SAXO1: variants seen among roughly 807,000 people sequenced by gnomAD.
SAXO1 encodes the protein stabilizer of axonemal microtubules 1, also known as 4930500O09Rik.
A neutral mutation model predicts 17.5 loss-of-function variants in SAXO1; 21 were observed. The observed-to-expected ratio is 1.20, with a 90% CI of 0.85 to 1.72. SAXO1 has a LOEUF of 1.72. Ranked by LOEUF, SAXO1 falls within the 40% of genes most tolerant of loss-of-function variation. The pLI is 0.00. For synonymous variants in SAXO1, 274 were observed against 216.5 expected, an observed-to-expected ratio of 1.27 and a Z score of -2.33; for missense variants, 843 against 596.0, an observed-to-expected ratio of 1.41 and a Z score of -4.32.
At chr9:18,990,048 C>G (rs899541695) in intron 1 of SAXO1, among the ~76,000 whole-genome samples, 3 of 152,144 alleles carry the variant, frequency 2.0e-5, no homozygotes, top group Non-Finnish European at 4.4e-5. Flanking sequence ...GGAGAGAGAA[C>G]AGATGTTCCA....
intron 1 of SAXO1, among the ~76,000 whole-genome samples, chr9:18,957,556 C>A (rs1303549688): frequency 6.6e-6 from 1 of 152,164 alleles, no homozygotes; most frequent in Non-Finnish European, 1.5e-5. Context: ...GAGCTTGTGA[C>A]CTGTCACAGC....
rs191135279 is a variant in SAXO1, at chr9:18,960,735, C to T, written c.39-9798G>A. Among the ~76,000 whole-genome samples, 686 of 152,172 alleles carry T rather than the reference C, an allele frequency of 4.5e-3. 4 individuals are homozygous for T. The highest frequency in any genetic ancestry group is 0.015 in the African/African-American group (642 of 41,520). On this transcript the variant is annotated intron_variant, in intron 1 of 3. Transcript: ENST00000380534. Reference sequence around the variant, plus strand: ...GGTTGAGACTGCAGTGAGCTGTGTTCGGCCCCCTGCACTCCAGCCAGGACA... The same window carrying T: ...GGTTGAGACTGCAGTGAGCTGTGTTTGGCCCCCTGCACTCCAGCCAGGACA...
At chr9:18,966,376 C>T (rs7020449) in intron 1 of SAXO1, among the ~76,000 whole-genome samples, 3,665 of 152,218 alleles carry the variant, frequency 0.024, 164 homozygotes, top group African/African-American at 0.084. Context: ...TCAGGTATAC[C>T]AATCAAAAGT....
intron 1 of SAXO1, among the ~76,000 whole-genome samples, chr9:19,022,377 C>G (rs1003509187): frequency 6.6e-6 from 1 of 152,204 alleles, no homozygotes; most frequent in Non-Finnish European, 1.5e-5. Flanking sequence ...ACCAAGAATC[C>G]ACCAGAAGGA....
At chr9:19,037,795 C>T (rs929082517), upstream of SAXO1, among the ~76,000 whole-genome samples, 2 of 152,168 alleles carry the variant, frequency 1.3e-5, no homozygotes, top group East Asian at 3.9e-4. Flanking sequence ...TTACATCAAA[C>T]CTTTCTGGGT....
At chr9:18,954,059 G>A (rs561681674) in intron 1 of SAXO1, among the ~76,000 whole-genome samples, 3 of 152,280 alleles carry the variant, frequency 2.0e-5, no homozygotes, top group African/African-American at 7.2e-5. Context: ...TCGCCACCTT[G>A]CTCAGGTACA....
Position 18,936,668 on chromosome 9 carries a change from T to C in SAXO1, c.421+4969A>G, listed in dbSNP as rs533861355. On this transcript the variant is annotated intron_variant, in intron 3 of 3. Transcript: ENST00000380534. ...AATTTCACATGACAAACTATTCATA[T>C]GCCAGTAAAGCCCTTCAGGGCCAGA... 2.0e-5 allele frequency among the ~76,000 whole-genome samples: 3 copies of C among 152,366 alleles called. No homozygotes were observed. In the South Asian group the frequency reaches 6.2e-4, roughly 32 times the overall value.
At chr9:18,989,330 T>C (rs1294122039) in intron 1 of SAXO1, among the ~76,000 whole-genome samples, 1 of 152,216 alleles carries the variant, frequency 6.6e-6, no homozygotes, top group Non-Finnish European at 1.5e-5. Context: ...AAGCTCAAAC[T>C]GAAGTCCTGT....
rs1338122407 is a variant in SAXO1 at position 18,990,242 on chromosome 9, T to C, written c.39-39305A>G. Among the ~76,000 whole-genome samples the C allele has an allele frequency of 2.0e-5, 3 of 151,942 alleles. No individual in the cohort carries two copies. In the East Asian group the frequency reaches 5.8e-4, roughly 29 times the overall value. Reference sequence around the variant, plus strand: ...CCTATAGCCTATAATGACCGGCATTTAAAAGCAAGAAAATCAAGATATTCA... The same window carrying C: ...CCTATAGCCTATAATGACCGGCATTCAAAAGCAAGAAAATCAAGATATTCA... On this transcript the variant is annotated intron_variant, in intron 1 of 3. Transcript: ENST00000380534.
At chr9:18,941,117 G>T (rs1831535970) in intron 3 of SAXO1, among the ~76,000 whole-genome samples, 1 of 152,070 alleles carries the variant, frequency 6.6e-6, no homozygotes, top group Non-Finnish European at 1.5e-5. Context: ...TTAAACATGT[G>T]AATGAATCAA....
At chr9:18,989,118 A>G (rs1268500389) in intron 1 of SAXO1, among the ~76,000 whole-genome samples, 1 of 152,204 alleles carries the variant, frequency 6.6e-6, no homozygotes. Context: ...CCTATCATCT[A>G]TCATTACTTG....
chr9:18,927,881 A>G lies in SAXO1; in HGVS notation c.*171T>C. ...GTTAATTAGCCGGTGATTAAATGTC[A>G]TTTTCCCTGAGTCAAGTGATTCTCA... On this transcript the variant is annotated 3_prime_UTR_variant, in exon 4 of 4. Coordinates refer to ENST00000380534, the MANE Select transcript of SAXO1 (RefSeq NM_153707.4). 1.5e-6 allele frequency: 1 copy of G among 673,272 alleles called. No individual in the cohort carries two copies. Among genetic ancestry groups the G allele is most frequent in the Non-Finnish European group, 2.3e-6 (1 of 427,086 alleles). The allele number at this position is 673,272 out of a possible 1,614,324, so 41.7% of individuals were successfully genotyped here. A position where few individuals can be genotyped will look rare whatever the true frequency, so the allele number is the denominator to read the frequency against.
At position 19,006,556 on chromosome 9, in the gene SAXO1, T is replaced by C. The variant is rs150659489; in HGVS notation, c.38+26315A>G. ...TGTATGTCTCCACTTACGAGGTACC[T>C]GCAATAGGCAAATTCACAGACAGTA... On this transcript the variant is annotated intron_variant, in intron 1 of 3. Coordinates refer to ENST00000380534, the MANE Select transcript of SAXO1 (RefSeq NM_153707.4). Among the ~76,000 whole-genome samples the C allele has an allele frequency of 3.5e-3, 528 of 152,328 alleles. 1 individual carries two copies. Among genetic ancestry groups the C allele is most frequent in the African/African-American group, 0.012 (503 of 41,584 alleles).
At chr9:18,969,078 T>C (rs1832848627) in intron 1 of SAXO1, among the ~76,000 whole-genome samples, 2 of 151,956 alleles carry the variant, frequency 1.3e-5, no homozygotes, top group Admixed American at 6.6e-5. Flanking sequence ...TTGTCTAAAT[T>C]AAGGAAATAT....
chr9:19,022,728 A>G (rs1271633228), intron 1 of SAXO1, among the ~76,000 whole-genome samples: 1 of 152,210 alleles, frequency 6.6e-6, no homozygotes, highest in African/African-American at 2.4e-5. Context: ...GGGCTTTTGG[A>G]TAGTCTAGAT....
In SAXO1 at chr9:18,941,838, T is replaced by C. The variant is rs1369175545; in HGVS notation, c.220A>G (p.Arg74Gly). 1.4e-5 allele frequency: 23 copies of C among 1,613,946 alleles called. No individual in the cohort carries two copies. Among genetic ancestry groups the C allele is most frequent in the Non-Finnish European group, 1.9e-5 (23 of 1,179,962 alleles). ...IPMEGLTTSR[R>G]DFGPHKVAPV... Reference sequence around the variant, plus strand: ...GCCACTTTGTGAGGCCCAAAATCTCTCCTGTAAGGAAGCAAGTGCATGCTG... The same window carrying C: ...GCCACTTTGTGAGGCCCAAAATCTCCCCTGTAAGGAAGCAAGTGCATGCTG... The change falls in exon 3 of 4, where the codon AGA becomes GGA. Residue 74 changes from arginine to glycine, a missense_variant and splice_region_variant. Physicochemically the swap from Arg to Gly is moderately radical, Grantham distance 125 (BLOSUM62 -2). Transcript: ENST00000380534.
At chr9:18,991,388 A>T (rs564242535) in intron 1 of SAXO1, among the ~76,000 whole-genome samples, 20 of 152,208 alleles carry the variant, frequency 1.3e-4, no homozygotes, top group Admixed American at 1.3e-3. Flanking sequence ...ATGCAGCCAT[A>T]AAAAAGGATG....
intron 2 of SAXO1, among the ~76,000 whole-genome samples, chr9:18,944,897 T>C (rs542163394): frequency 6.6e-6 from 1 of 152,318 alleles, no homozygotes; most frequent in Admixed American, 6.5e-5. Context: ...TGAAGATATA[T>C]TAGTGTGTCC....
At chr9:18,982,860 A>T (rs1324002588) in intron 1 of SAXO1, among the ~76,000 whole-genome samples, 5 of 152,230 alleles carry the variant, frequency 3.3e-5, no homozygotes, top group African/African-American at 4.8e-5. Flanking sequence ...TAAAAGCTAC[A>T]GTCTTAGACT....
Sources: allele counts gnomAD v4.1 joint callset (sites outside exome capture counted in the v4.1 genomes callset), GRCh38; gene constraint gnomAD v4.1.1; transcripts MANE v1.5; gene names NCBI Gene and HGNC (gene_info 2026-07-23, HGNC 2026-07-21).